Variants in MPPED1 observed in about 807,000 individuals in gnomAD.
MPPED1 encodes the protein metallophosphoesterase domain-containing protein 1.
A neutral mutation model predicts 36.2 loss-of-function variants in MPPED1; 16 were observed. That is an observed-to-expected ratio of 0.44 (90% CI 0.30 to 0.67). MPPED1 has a LOEUF of 0.67. Ranked by LOEUF, MPPED1 falls within the 30% of genes least tolerant of loss-of-function variation. The pLI is 0.10. For missense variants in MPPED1, 307 were observed against 453.4 expected (o/e 0.68, Z 2.93); for synonymous variants, 199 against 191.3 (o/e 1.04, Z -0.33).
intron 2 of MPPED1, among the ~76,000 whole-genome samples, chr22:43,432,228 G>A (rs1034225735): frequency 2.0e-5 from 2 of 99,772 alleles, no homozygotes; most frequent in Admixed American, 1.1e-4. Flanking sequence ...GAGACACAGA[G>A]AGAAAGAAAG....
intron 4 of MPPED1, among the ~76,000 whole-genome samples, chr22:43,497,070 A>AGAT (rs1555904442): frequency 8.3e-5 from 7 of 84,474 alleles, no homozygotes; most frequent in Non-Finnish European, 1.5e-4. Context: ...GTGGTGGTGG[A>AGAT]GGTGGTGGTG....
chr22:43,485,306 A>G (rs561612071), intron 4 of MPPED1, among the ~76,000 whole-genome samples: 2 of 152,064 alleles, frequency 1.3e-5, no homozygotes, highest in African/African-American at 4.8e-5. Flanking sequence ...ATCCACAACC[A>G]CACACATATT....
intron 3 of MPPED1, among the ~76,000 whole-genome samples, chr22:43,465,010 G>A (rs1165957335): frequency 1.3e-5 from 2 of 152,160 alleles, no homozygotes; most frequent in Non-Finnish European, 2.9e-5. Flanking sequence ...ACCCCACCCC[G>A]GTACCACATA....
At chr22:43,429,742 G>C (rs140165425) in intron 2 of MPPED1, among the ~76,000 whole-genome samples, 153 of 152,348 alleles carry the variant, frequency 1.0e-3, no homozygotes, top group African/African-American at 3.4e-3. Context: ...AAAGAGAAGA[G>C]AGTGAGAACG....
chr22:43,501,723 C>T (rs1039994831), intron 5 of MPPED1, among the ~76,000 whole-genome samples: 12 of 152,200 alleles, frequency 7.9e-5, no homozygotes, highest in African/African-American at 2.7e-4. Flanking sequence ...CAAGGTCACA[C>T]AGCCAGTAGG....
chr22:43,426,143 C>T (rs1929461864), intron 2 of MPPED1, among the ~76,000 whole-genome samples: 1 of 152,184 alleles, frequency 6.6e-6, no homozygotes, highest in African/African-American at 2.4e-5. Flanking sequence ...TGAGGTGCCC[C>T]ACCCTGCTGG....
intron 4 of MPPED1, among the ~76,000 whole-genome samples, chr22:43,495,534 TGGA>T (rs1569088744): frequency 1.6e-4 from 17 of 104,638 alleles, no homozygotes; most frequent in African/African-American, 3.6e-4. Context: ...GTGGTGGTGG[TGGA>T]GATGGTGGTG....
intron 1 of MPPED1, 98 bp downstream of exon 1, chr22:43,412,256 C>T (rs1928928540): frequency 1.3e-6 from 1 of 793,454 alleles, no homozygotes; most frequent in Non-Finnish European, 1.5e-6. Context: ...ACGCCCGCGG[C>T]GCTGCGCAGG....
intron 3 of MPPED1, among the ~76,000 whole-genome samples, chr22:43,458,037 C>T (rs775676989): frequency 1.3e-5 from 2 of 152,242 alleles, no homozygotes; most frequent in South Asian, 2.1e-4. Context: ...GTATTCAGTA[C>T]GATAACATGC....
At chr22:43,472,802 C>T (rs765822720) in intron 3 of MPPED1, among the ~76,000 whole-genome samples, 64 of 152,228 alleles carry the variant, frequency 4.2e-4, no homozygotes, top group Non-Finnish European at 7.1e-4. Flanking sequence ...GTTAGACAGA[C>T]GGCACAGGTC....
At chr22:43,461,931 G>T (rs1930971194) in intron 3 of MPPED1, among the ~76,000 whole-genome samples, 1 of 152,146 alleles carries the variant, frequency 6.6e-6, no homozygotes, top group Non-Finnish European at 1.5e-5. Context: ...TAGGGCACCG[G>T]GGAGGTGGCT....
chr22:43,483,803 G>A (rs894260582), intron 4 of MPPED1, among the ~76,000 whole-genome samples: 19 of 152,284 alleles, frequency 1.2e-4, no homozygotes, highest in African/African-American at 4.3e-4. Context: ...GTCTGCCTCA[G>A]TCTGTGGGCA....
chr22:43,475,882 GTGA>G (rs140738238), intron 4 of MPPED1, among the ~76,000 whole-genome samples: 60,571 of 148,682 alleles, frequency 0.41, 12,421 homozygotes, highest in East Asian at 0.65. Context: ...GCTGATGATG[GTGA>G]TGATGGTGGT....
At chr22:43,432,887 A>G in intron 2 of MPPED1, among the ~76,000 whole-genome samples, 2 of 88,076 alleles carry the variant, frequency 2.3e-5, no homozygotes, top group African/African-American at 3.8e-5. Flanking sequence ...GGGAAAGAGA[A>G]AGGGAGGAGA....
intron 1 of MPPED1, among the ~76,000 whole-genome samples, chr22:43,413,557 A>G (rs1026777246): frequency 6.6e-6 from 1 of 152,138 alleles, no homozygotes; most frequent in South Asian, 2.1e-4. Context: ...GAGGCAGGGG[A>G]GAACCTCAAT....
At chr22:43,495,497 G>GGTGA (rs1932258173) in intron 4 of MPPED1, among the ~76,000 whole-genome samples, 2 of 20,910 alleles carry the variant, frequency 9.6e-5, no homozygotes, top group Non-Finnish European at 1.5e-4. Flanking sequence ...GGAGGTAGTG[G>GGTGA]TGGTGGAGGT....
chr22:43,424,996 C>G lies in MPPED1; in HGVS notation c.11C>G (p.Ser4Cys), dbSNP rs752971316. MWR[S>C]RWDASVLKAE... ...GGCCGGCGGAGGTCCATGTGGCGCT[C>G]TAGGTGGGATGCCAGCGTCCTGAAG... The change falls in exon 2 of 7, where the codon TCT (serine) becomes TGT (cysteine). Residue 4 changes from serine to cysteine, a missense_variant. This residue lies in a region of MPPED1 where 169 missense variants were observed against 212.3 expected (regional missense o/e 0.80). Transcript: ENST00000443721. The G allele has an allele frequency of 5.0e-6, 8 of 1,598,474 alleles. No homozygotes were observed. The East Asian group carries it at 1.8e-4, about 36-fold the overall frequency.
At chr22:43,441,911 T>A (rs1930160666) in intron 3 of MPPED1, among the ~76,000 whole-genome samples, 2 of 152,196 alleles carry the variant, frequency 1.3e-5, no homozygotes, top group African/African-American at 4.8e-5. Flanking sequence ...TGTGATTTAA[T>A]CCCAGGGCGC....
At chr22:43,501,286 C>T (rs1423734877) in intron 5 of MPPED1, among the ~76,000 whole-genome samples, 2 of 152,102 alleles carry the variant, frequency 1.3e-5, no homozygotes, top group Non-Finnish European at 1.5e-5. Context: ...GCATCTTGTT[C>T]TCTTCCTTCT....
Sources: allele counts gnomAD v4.1 joint callset (sites outside exome capture counted in the v4.1 genomes callset), GRCh38; gene constraint gnomAD v4.1.1; regional missense constraint gnomAD v4.1.1; transcripts MANE v1.5; gene names NCBI Gene and HGNC (gene_info 2026-07-23, HGNC 2026-07-21).